FAM13B: variants seen among roughly 807,000 people sequenced by gnomAD.
FAM13B encodes the protein family with sequence similarity 13 member B.
In FAM13B, 60 loss-of-function variants were observed where a neutral mutation model predicts 117.3. The ratio of observed to expected loss-of-function variants is 0.51; its 90% CI spans 0.42 to 0.63. The LOEUF (loss-of-function observed/expected upper bound fraction) is 0.63. FAM13B is among the 30% of genes least tolerant of loss of function. The pLI is 0.00. For synonymous variants in FAM13B, 332 were observed against 356.1 expected, an observed-to-expected ratio of 0.93 and a Z score of 0.76; for missense variants, 972 against 1,091.9, an observed-to-expected ratio of 0.89 and a Z score of 1.55.
chr5:137,971,645 A>G (rs1772183281), intron 10 of FAM13B, among the ~76,000 whole-genome samples: 1 of 151,984 alleles, frequency 6.6e-6, no homozygotes. Context: ...GATACAAAAA[A>G]CCCTTCAAAA....
intron 20 of FAM13B, 118 bp downstream of exon 20, chr5:137,945,784 A>G: frequency 1.5e-6 from 1 of 660,580 alleles, no homozygotes; most frequent in East Asian, 2.8e-5. Context: ...CTCACCTTAC[A>G]GTGACAATTA....
intron 7 of FAM13B, 50 bp downstream of exon 7, chr5:138,006,940 A>C: frequency 6.5e-7 from 1 of 1,528,288 alleles, no homozygotes; most frequent in Non-Finnish European, 8.8e-7. Context: ...GTGAGTTTAC[A>C]CTTAGAATGA....
chr5:137,956,631 T>C (rs1298195467), intron 13 of FAM13B, 89 bp from the exon 14 acceptor site: 1 of 815,916 alleles, frequency 1.2e-6, no homozygotes, highest in East Asian at 3.2e-5. Flanking sequence ...AAGCCAAAGA[T>C]ACCAAAAACA....
chr5:137,966,517 A>G (rs1561469120), intron 10 of FAM13B, among the ~76,000 whole-genome samples: 1 of 145,252 alleles, frequency 6.9e-6, no homozygotes, highest in Non-Finnish European at 1.5e-5. Flanking sequence ...AGAGAGAGAG[A>G]GAGAGAGGGA....
In FAM13B at chr5:137,960,174, A is replaced by G. The variant is rs372454318; in HGVS notation, c.1285T>C (p.Leu429=). Residue 429 remains leucine, a synonymous_variant, in exon 12 of 24, where the codon TTG becomes CTG. Coordinates refer to ENST00000689681, the MANE Select transcript of FAM13B (RefSeq NM_001385994.1). ...AAAAAAATAGTTCTTACCAGAATCAAGTGTGACAATTTATCACTGTCAAAT... is the reference window on the plus strand; with the variant it reads ...AAAAAAATAGTTCTTACCAGAATCAGGTGTGACAATTTATCACTGTCAAAT... ...LLFDSDKLSH[L]ILDSSSKICD... 4 of 1,532,798 alleles carry G rather than the reference A, an allele frequency of 2.6e-6. No individual in the cohort carries two copies. The African/African-American group carries it at 5.5e-5, about 21-fold the overall frequency. 94.9% of individuals were successfully genotyped at this position (1,532,798 alleles called of 1,614,324 possible).
chr5:138,004,194 A>G (rs1229544631), intron 7 of FAM13B, among the ~76,000 whole-genome samples: 1 of 150,568 alleles, frequency 6.6e-6, no homozygotes, highest in Admixed American at 6.6e-5. Context: ...GCTTGAACTC[A>G]GGAGGTGGAG....
intron 12 of FAM13B, 63 bp downstream of exon 12, chr5:137,960,102 AC>A: frequency 1.0e-6 from 1 of 968,650 alleles, no homozygotes; most frequent in Non-Finnish European, 1.6e-6. Flanking sequence ...CACATTAAAG[AC>A]CAGACATAAC....
chr5:137,974,487 A>G (rs940141693), intron 10 of FAM13B, among the ~76,000 whole-genome samples: 6 of 142,574 alleles, frequency 4.2e-5, no homozygotes, highest in African/African-American at 1.5e-4. Context: ...GAGGGATAGC[A>G]TTGGGAGATA....
At chr5:137,988,112 G>A (rs965985248) in intron 8 of FAM13B, among the ~76,000 whole-genome samples, 162 bp downstream of exon 8, 4 of 152,060 alleles carry the variant, frequency 2.6e-5, no homozygotes, top group Non-Finnish European at 5.9e-5. Flanking sequence ...TAATGCAATG[G>A]GTTTCTTCTT....
chr5:138,039,951 C>A (rs1168534466), intron 1 of FAM13B: 2 of 152,130 alleles, frequency 1.3e-5, no homozygotes, highest in African/African-American at 4.8e-5. Flanking sequence ...GGTGTACATC[C>A]CTATTTTAGG....
chr5:137,948,019 G>GA (rs942335268), intron 18 of FAM13B, among the ~76,000 whole-genome samples: 1 of 152,066 alleles, frequency 6.6e-6, no homozygotes, highest in Non-Finnish European at 1.5e-5. Flanking sequence ...GTCAAGATAA[G>GA]AGTTCCACAT....
chr5:137,983,819 A>G (rs1776492380), intron 10 of FAM13B, among the ~76,000 whole-genome samples: 1 of 152,230 alleles, frequency 6.6e-6, no homozygotes, highest in African/African-American at 2.4e-5. Context: ...AATGCAGTTC[A>G]GAAGTCAGGT....
intron 5 of FAM13B, 55 bp from the exon 6 acceptor site, chr5:138,011,204 G>A: frequency 6.6e-7 from 1 of 1,509,904 alleles, no homozygotes; most frequent in Non-Finnish European, 8.9e-7. Context: ...CACAGGTAAA[G>A]GTAGAAGACA....
At chr5:137,982,871 G>T (rs961931342) in intron 10 of FAM13B, among the ~76,000 whole-genome samples, 1 of 152,100 alleles carries the variant, frequency 6.6e-6, no homozygotes, top group African/African-American at 2.4e-5. Flanking sequence ...TGAACCTAAT[G>T]ATGGGTAAGG....
chr5:137,942,245 G>C (rs1387414763), intron 22 of FAM13B, 200 bp from the exon 23 acceptor site: 6 of 581,026 alleles, frequency 1.0e-5, no homozygotes, highest in Non-Finnish European at 1.5e-5. Context: ...AGTGAAGTCA[G>C]GGCTCAGAAC....
Position 137,962,590 on chromosome 5 carries a change from T to C in FAM13B, c.1180-121A>G, listed in dbSNP as rs1034384303. On this transcript the variant is annotated intron_variant, in intron 10 of 23. Coordinates refer to ENST00000689681, the MANE Select transcript of FAM13B (RefSeq NM_001385994.1). ...TCAAACACCCCTAATTAGCTATCAT[T>C]TATAATAGTCTGTAGTACTTAGCAT... 4 of 769,990 alleles carry C rather than the reference T, an allele frequency of 5.2e-6. No homozygotes were observed. In the African/African-American group the frequency reaches 7.1e-5, roughly 14 times the overall value. 47.7% of individuals were successfully genotyped at this position (769,990 alleles called of 1,614,324 possible).
At chr5:137,993,822 G>C (rs1325565478) in intron 7 of FAM13B, among the ~76,000 whole-genome samples, 1 of 151,776 alleles carries the variant, frequency 6.6e-6, no homozygotes, top group African/African-American at 2.4e-5. Flanking sequence ...ATAAAACAAG[G>C]AAAAAAGCTT....
Position 138,021,079 on chromosome 5 carries a change from TA to T in FAM13B, c.-85del. The T allele has an allele frequency of 8.1e-7, 1 of 1,231,708 alleles. No individual in the cohort carries two copies. The highest frequency in any genetic ancestry group is 1.0e-6 in the Non-Finnish European group (1 of 987,944). 76.3% of individuals were successfully genotyped at this position (1,231,708 alleles called of 1,614,324 possible). A position where few individuals can be genotyped will look rare whatever the true frequency, so the allele number is the denominator to read the frequency against. ...TTTAAAAAATGGCTTCTGCACCAGC[TA>T]CCCTCACTGAGCAAGCATTCTTTTG... On this transcript the variant is annotated 5_prime_UTR_variant, in exon 2 of 24. It introduces an in-frame stop codon into an upstream open reading frame of the 5' UTR. Coordinates refer to ENST00000689681, the MANE Select transcript of FAM13B (RefSeq NM_001385994.1).
Position 138,032,898 on chromosome 5 carries a change from T to G in FAM13B, c.-319A>C, listed in dbSNP as rs544072295. On this transcript the variant is annotated 5_prime_UTR_variant, in exon 1 of 24. Transcript: ENST00000689681. Reference sequence around the variant, plus strand: ...GCTCCGCGGCCGAGAAGCCTCTTCCTGGGGCGGCCGCTGACGGGAGGTTAA... The same window carrying G: ...GCTCCGCGGCCGAGAAGCCTCTTCCGGGGGCGGCCGCTGACGGGAGGTTAA... 2,036 of 985,680 alleles carry G rather than the reference T, an allele frequency of 2.1e-3. 2 individuals carry two copies. The highest frequency in any genetic ancestry group is 2.3e-3 in the Non-Finnish European group (1,910 of 829,988). 61.1% of individuals were successfully genotyped at this position (985,680 alleles called of 1,614,324 possible).
Sources: gnomAD v4.1 joint callset for allele counts (sites outside exome capture counted in the v4.1 genomes callset) on GRCh38, gnomAD v4.1.1 for gene constraint, MANE v1.5 for transcripts, NCBI Gene and HGNC (gene_info 2026-07-23, HGNC 2026-07-21) for gene names.